The following ADAMTS17 variants were observed in gnomAD, a reference collection of about 807,000 sequenced individuals.
ADAMTS17 encodes ADAM metallopeptidase with thrombospondin type 1 motif 17.
In ADAMTS17, 113 loss-of-function variants were observed where a neutral mutation model predicts 141.5. That is an observed-to-expected ratio of 0.80 (90% confidence interval 0.69 to 0.93). The LOEUF is 0.93. Among genes scored for constraint, ADAMTS17 ranks in the 40% least tolerant of loss-of-function variants. The pLI is 0.00. For missense variants in ADAMTS17, 1,659 were observed against 1,517.9 expected (o/e 1.09, Z -1.54); for synonymous variants, 768 against 630.6 (o/e 1.22, Z -3.27).
chr15:100,047,890 C>T (rs561885166), intron 18 of ADAMTS17, among the ~76,000 whole-genome samples: 2 of 152,292 alleles, frequency 1.3e-5, no homozygotes, highest in African/African-American at 4.8e-5. Flanking sequence ...AGCTCTTCCT[C>T]CAGGCCTTCA....
chr15:100,117,756 G>C (rs2037228412), intron 12 of ADAMTS17, among the ~76,000 whole-genome samples: 1 of 152,108 alleles, frequency 6.6e-6, no homozygotes, highest in Admixed American at 6.5e-5. Flanking sequence ...TGACAACCTG[G>C]GCAACCTCAG....
intron 7 of ADAMTS17, among the ~76,000 whole-genome samples, chr15:100,244,236 A>T (rs1443423532): frequency 6.6e-6 from 1 of 151,630 alleles, no homozygotes; most frequent in Non-Finnish European, 1.5e-5. Context: ...ATTACCTCCC[A>T]CCAGGTCCCT....
At position 100,293,522 on chromosome 15, in the gene ADAMTS17, C is replaced by T. The variant is rs185811805; in HGVS notation, c.617-12121G>A. On this transcript the variant is annotated intron_variant, in intron 3 of 21. Coordinates refer to ENST00000268070, the MANE Select transcript of ADAMTS17 (RefSeq NM_139057.4). Reference sequence around the variant, plus strand: ...GAAGTAACCGTGGGAATGGCAAAACCTCTCAGAACAGACTGGACAGAAGAC... The same window carrying T: ...GAAGTAACCGTGGGAATGGCAAAACTTCTCAGAACAGACTGGACAGAAGAC... 2.0e-4 allele frequency among the ~76,000 whole-genome samples: 30 copies of T among 152,284 alleles called. No homozygotes were observed. In the East Asian group the frequency reaches 4.2e-3, roughly 22 times the overall value.
rs2581359 is a variant in ADAMTS17, at chr15:99,973,502, A to G, written c.*900T>C. 0.59 allele frequency: 89,382 copies of G among 152,142 alleles called. 27,037 individuals carry two copies. Among genetic ancestry groups the G allele is most frequent in the Non-Finnish European group, 0.66 (44,908 of 67,988 alleles). 9.4% of individuals were successfully genotyped at this position (152,142 alleles called of 1,614,324 possible). A position where few individuals can be genotyped will look rare whatever the true frequency, so the allele number is the denominator to read the frequency against. Reference sequence around the variant, plus strand: ...TAAGGTACAAAGCTTTAGGAAGTGCAGGCCAGAGTGGATGTTCCCGGAAGG... The same window carrying G: ...TAAGGTACAAAGCTTTAGGAAGTGCGGGCCAGAGTGGATGTTCCCGGAAGG... On this transcript the variant is annotated 3_prime_UTR_variant, in exon 22 of 22. Transcript: ENST00000268070.
At chr15:100,183,751 T>C (rs1417424536) in intron 8 of ADAMTS17, among the ~76,000 whole-genome samples, 2 of 152,218 alleles carry the variant, frequency 1.3e-5, no homozygotes, top group East Asian at 3.8e-4. Context: ...AAATATGCTA[T>C]TGCAGCAAGC....
At chr15:100,134,389 A>C (rs2038217945) in intron 10 of ADAMTS17, among the ~76,000 whole-genome samples, 1 of 152,206 alleles carries the variant, frequency 6.6e-6, no homozygotes, top group Non-Finnish European at 1.5e-5. Flanking sequence ...ATGTACTTAA[A>C]GATCTTGTGA....
intron 18 of ADAMTS17, among the ~76,000 whole-genome samples, chr15:100,029,853 C>A (rs774306911): frequency 1.3e-5 from 2 of 152,156 alleles, no homozygotes; most frequent in Non-Finnish European, 2.9e-5. Context: ...TCAATGCAGT[C>A]CCTGGACCAG....
chr15:100,286,428 G>C (rs1326532769), intron 3 of ADAMTS17, among the ~76,000 whole-genome samples: 2 of 152,146 alleles, frequency 1.3e-5, no homozygotes, highest in African/African-American at 2.4e-5. Context: ...CCACATCGAA[G>C]TGTTGGGGCC....
Position 100,205,962 on chromosome 15 carries a change from T to C in ADAMTS17, c.1076-6539A>G, listed in dbSNP as rs981470253. On this transcript the variant is annotated intron_variant, in intron 7 of 21. Transcript: ENST00000268070. ...AACAAGTGGAGACTGGAGAGGAAGC[T>C]CCACACTGAGCCACGCACCCACTGA... Among the ~76,000 whole-genome samples the C allele has an allele frequency of 1.1e-4, 17 of 152,036 alleles. 2 individuals carry two copies. The highest frequency in any genetic ancestry group is 1.1e-3 in the Admixed American group (17 of 15,266).
rs150725393 is a variant in ADAMTS17 at position 100,165,119 on chromosome 15, G to A, written c.1182-9799C>T. On this transcript the variant is annotated intron_variant, in intron 8 of 21. Coordinates refer to ENST00000268070, the MANE Select transcript of ADAMTS17 (RefSeq NM_139057.4). ...AGGGACATTGGACTATAGGGCTGAA[G>A]CTCCTGCCATCTCTGTGAAATGCTG... 4.6e-5 allele frequency among the ~76,000 whole-genome samples: 7 copies of A among 152,314 alleles called. No homozygotes were observed. The East Asian group carries it at 1.3e-3, about 29-fold the overall frequency.
chr15:100,199,898 G>T (rs112921937), intron 7 of ADAMTS17, among the ~76,000 whole-genome samples: 1 of 152,188 alleles, frequency 6.6e-6, no homozygotes, highest in Admixed American at 6.5e-5. Flanking sequence ...CCCTGCACCC[G>T]CACACCCTGA....
At chr15:99,988,862 A>G (rs1432590818) in intron 20 of ADAMTS17, among the ~76,000 whole-genome samples, 2 of 152,212 alleles carry the variant, frequency 1.3e-5, no homozygotes, top group African/African-American at 4.8e-5. Context: ...GTGATGCATG[A>G]GCACCAGGTC....
chr15:100,134,990 A>T (rs192868834), intron 10 of ADAMTS17, among the ~76,000 whole-genome samples: 23 of 152,270 alleles, frequency 1.5e-4, no homozygotes, highest in African/African-American at 5.5e-4. Flanking sequence ...GAGCTCTTTG[A>T]GACTGTGGTG....
At chr15:100,190,697 A>T (rs1273466894) in intron 8 of ADAMTS17, among the ~76,000 whole-genome samples, 1 of 152,198 alleles carries the variant, frequency 6.6e-6, no homozygotes, top group Non-Finnish European at 1.5e-5. Context: ...CAGGCAGGAA[A>T]CCAAACACCT....
intron 8 of ADAMTS17, among the ~76,000 whole-genome samples, chr15:100,162,248 T>C (rs1161153011): frequency 6.6e-6 from 1 of 151,786 alleles, no homozygotes; most frequent in Non-Finnish European, 1.5e-5. Context: ...TGATGTAAGG[T>C]GCATGAGTCA....
intron 15 of ADAMTS17, among the ~76,000 whole-genome samples, chr15:100,078,703 G>C (rs553966825): frequency 1.7e-4 from 26 of 152,062 alleles, no homozygotes; most frequent in African/African-American, 6.3e-4. Context: ...CGCAACAAAA[G>C]AAAAAATAGT....
chr15:100,040,534 G>A (rs1463643039), intron 18 of ADAMTS17, among the ~76,000 whole-genome samples: 1 of 152,142 alleles, frequency 6.6e-6, no homozygotes, highest in African/African-American at 2.4e-5. Flanking sequence ...AGAAAAATCA[G>A]GAAGAGAGAA....
chr15:100,239,544 G>A (rs531046382), intron 7 of ADAMTS17, among the ~76,000 whole-genome samples: 53 of 152,320 alleles, frequency 3.5e-4, no homozygotes, highest in African/African-American at 1.3e-3. Flanking sequence ...GCAGCAGCAA[G>A]AAGAGGCTAC....
At chr15:100,029,338 T>C (rs1158049307) in intron 18 of ADAMTS17, among the ~76,000 whole-genome samples, 1 of 152,260 alleles carries the variant, frequency 6.6e-6, no homozygotes, top group Non-Finnish European at 1.5e-5. Context: ...TTTCCTTTCC[T>C]GACTGTGGCA....
Sources: gnomAD v4.1 joint callset for allele counts (sites outside exome capture counted in the v4.1 genomes callset) on GRCh38, gnomAD v4.1.1 for gene constraint, MANE v1.5 for transcripts, NCBI Gene and HGNC (gene_info 2026-07-23, HGNC 2026-07-21) for gene names.